Variants in SNW1 observed in about 807,000 individuals in gnomAD.
The protein encoded by SNW1 is SNW domain containing 1, also known as SNW domain-containing protein 1.
Under a neutral mutation model 75.6 loss-of-function variants are expected in SNW1, and 9 were observed. The ratio of observed to expected loss-of-function variants is 0.12; its 90% CI spans 0.07 to 0.21. The LOEUF is 0.21. Among genes scored for constraint, SNW1 ranks in the 10% least tolerant of loss-of-function variants. The pLI is 1.00. For synonymous variants in SNW1, 200 were observed against 219.1 expected, an observed-to-expected ratio of 0.91 and a Z score of 0.77; for missense variants, 409 against 670.9, an observed-to-expected ratio of 0.61 and a Z score of 4.31.
chr14:77,720,363 G>C (rs1450877092), intron 12 of SNW1, among the ~76,000 whole-genome samples: 1 of 152,148 alleles, frequency 6.6e-6, no homozygotes, highest in Non-Finnish European at 1.5e-5. Flanking sequence ...GTGAACTCCT[G>C]ACCTCAGGTG....
At chr14:77,751,746 C>T (rs1326730853) in intron 2 of SNW1, among the ~76,000 whole-genome samples, 1 of 150,754 alleles carries the variant, frequency 6.6e-6, no homozygotes, top group Non-Finnish European at 1.5e-5. Context: ...TGGGGACAGC[C>T]TTTGTGAAGA....
At chr14:77,724,908 T>G (rs111711749) in intron 10 of SNW1, among the ~76,000 whole-genome samples, 2 of 152,350 alleles carry the variant, frequency 1.3e-5, no homozygotes, top group South Asian at 2.1e-4. Flanking sequence ...TATTTTCAGT[T>G]TTTTGAAGAA....
At chr14:77,718,875 T>C (rs1433552494) in intron 12 of SNW1, among the ~76,000 whole-genome samples, 2 of 152,188 alleles carry the variant, frequency 1.3e-5, no homozygotes, top group African/African-American at 4.8e-5. Flanking sequence ...CACACCCAGC[T>C]AATTTTTGTA....
intron 6 of SNW1, 69 bp from the exon 7 acceptor site, chr14:77,736,075 C>T (rs2080668933): frequency 3.5e-6 from 4 of 1,126,796 alleles, no homozygotes; most frequent in Non-Finnish European, 5.2e-6. Context: ...TCAAGTCTCT[C>T]CTCCTTTTTC....
At chr14:77,735,898 T>G (rs2080667218) in intron 7 of SNW1, 39 bp downstream of exon 7, 1 of 1,529,966 alleles carries the variant, frequency 6.5e-7, no homozygotes, top group Admixed American at 1.7e-5. Context: ...TTAATAACCA[T>G]GAGTAGAAAA....
At chr14:77,758,554 C>T (rs2080861020) in intron 1 of SNW1, among the ~76,000 whole-genome samples, 1 of 152,072 alleles carries the variant, frequency 6.6e-6, no homozygotes, top group Non-Finnish European at 1.5e-5. Flanking sequence ...GCCACTTCAC[C>T]CCAAACTCTG....
chr14:77,750,099 G>A (rs1025761049), intron 3 of SNW1, among the ~76,000 whole-genome samples: 1 of 152,194 alleles, frequency 6.6e-6, no homozygotes, highest in African/African-American at 2.4e-5. Context: ...CACTCGAGAG[G>A]CTGAGGTGGG....
chr14:77,722,372 A>C (rs1022547904), intron 11 of SNW1: 3 of 349,994 alleles, frequency 8.6e-6, no homozygotes, highest in African/African-American at 6.4e-5. Context: ...TCTGAACTGT[A>C]AGTTAAACTA....
chr14:77,738,744 G>A (rs768507869), intron 5 of SNW1, 34 bp downstream of exon 5: 3 of 1,518,432 alleles, frequency 2.0e-6, no homozygotes, highest in Admixed American at 1.7e-5. Context: ...ATCAAGTTCA[G>A]AATGAAACTA....
chr14:77,757,915 TA>T (rs1220073842), intron 1 of SNW1, among the ~76,000 whole-genome samples: 11 of 138,854 alleles, frequency 7.9e-5, no homozygotes, highest in Non-Finnish European at 1.6e-4. Context: ...CAAATCAATC[TA>T]ATCATCTATC....
intron 3 of SNW1, among the ~76,000 whole-genome samples, chr14:77,744,446 C>CAAAAAAAA (rs11335115): frequency 1.3e-4 from 11 of 82,920 alleles, no homozygotes; most frequent in Admixed American, 3.0e-4. Context: ...GTCTCCATCT[C>CAAAAAAAA]AAAAAAAAAA....
At chr14:77,719,793 GATA>G (rs1013223558) in intron 12 of SNW1, among the ~76,000 whole-genome samples, 12 of 152,028 alleles carry the variant, frequency 7.9e-5, no homozygotes, top group Admixed American at 1.3e-4. Context: ...TAAGAATTGA[GATA>G]ATAACAAGAC....
rs1484945955 is a variant in SNW1 at position 77,737,049 on chromosome 14, G to A, written c.560C>T (p.Ala187Val). Residue 187 changes from alanine (A) to valine (V), a missense_variant, in exon 6 of 14, where the codon GCA (alanine) becomes GTA (valine). This residue lies in a region of SNW1 where 70 missense variants were observed against 136.7 expected (regional missense o/e 0.51). Coordinates refer to ENST00000261531, the MANE Select transcript of SNW1 (RefSeq NM_012245.3). ...IRYTPSQQGV[A>V]FNSGAKQRVI... ...CCTCTGTTTAGCTCCAGAGTTGAAT[G>A]CCACTCCTTGCTGAGATGGTGTGTA... is the stretch of plus-strand genomic sequence containing the variant. 6.2e-7 allele frequency: 1 copy of A among 1,613,630 alleles called. No homozygotes were observed. Among genetic ancestry groups the A allele is most frequent in the Non-Finnish European group, 8.5e-7 (1 of 1,179,654 alleles).
At position 77,743,495 on chromosome 14, in the gene SNW1, T is replaced by G. The variant is rs568201679; in HGVS notation, c.331-4434A>C. ...TCACTATTAATATTTCAGTGAGAAC[T>G]CCCTCGTTTCTGAAGAATACCAGAC... On this transcript the variant is annotated intron_variant, in intron 3 of 13. Coordinates refer to ENST00000261531, the MANE Select transcript of SNW1 (RefSeq NM_012245.3). 2.6e-5 allele frequency among the ~76,000 whole-genome samples: 4 copies of G among 152,300 alleles called. No homozygotes were observed. The South Asian group carries it at 8.3e-4, about 32-fold the overall frequency.
In SNW1 at chr14:77,746,000, G is replaced by T. The variant is rs544395917; in HGVS notation, c.330+5319C>A. Among the ~76,000 whole-genome samples, 118 of 152,312 alleles carry T rather than the reference G, an allele frequency of 7.7e-4. No homozygotes were observed. The Middle Eastern group carries it at 0.014, about 18-fold the overall frequency. ...TATTGTGCCACTGCACTCCAGCCTGGGTGACAGAGCAAGACTGTCTCGAAA... is the reference window on the plus strand; with the variant it reads ...TATTGTGCCACTGCACTCCAGCCTGTGTGACAGAGCAAGACTGTCTCGAAA... On this transcript the variant is annotated intron_variant, in intron 3 of 13. Transcript: ENST00000261531.
intron 1 of SNW1, among the ~76,000 whole-genome samples, chr14:77,757,609 C>A (rs912712686): frequency 1.9e-4 from 29 of 152,116 alleles, no homozygotes; most frequent in Non-Finnish European, 3.2e-4. Flanking sequence ...TCTATGCTCC[C>A]CCAAAACGCT....
Position 77,718,175 on chromosome 14 carries a change from G to A in SNW1, c.1524C>T (p.Ala508=). Residue 508 remains alanine, a synonymous_variant, in exon 14 of 14, where the codon GCC becomes GCT. Transcript: ENST00000261531. The stretch of plus-strand genomic sequence containing the variant: ...GTCTTTTAGAGCCACCATGCTGTTT[G>A]GCTTCTTCCAAAAACTTGTCCAAAC... ...PFGLDKFLEE[A]KQHGGSKRPS... The A allele has an allele frequency of 1.9e-6, 3 of 1,613,848 alleles. No individual in the cohort carries two copies. The highest frequency in any genetic ancestry group is 2.5e-6 in the Non-Finnish European group (3 of 1,179,926).
At chr14:77,744,947 C>T (rs8003979) in intron 3 of SNW1, among the ~76,000 whole-genome samples, 128,552 of 152,184 alleles carry the variant, frequency 0.84, 54,478 homozygotes, top group African/African-American at 0.89. Context: ...GAGTGGACTA[C>T]ACTTCCTCAC....
In SNW1 at chr14:77,723,218, G is replaced by A. The variant is rs773630201; in HGVS notation, c.1093C>T (p.His365Tyr). 5.6e-6 allele frequency: 9 copies of A among 1,614,070 alleles called. No homozygotes were observed. Among genetic ancestry groups the A allele is most frequent in the Middle Eastern group, 1.6e-4 (1 of 6,062 alleles). ...GCTGCCCTGGAAAGATTCCGGTCATGCTGTCTCTCTTTTCGCCTGTCATGC... is the reference window on the plus strand; with the variant it reads ...GCTGCCCTGGAAAGATTCCGGTCATACTGTCTCTCTTTTCGCCTGTCATGC... ...IRHDRRKERQ[H>Y]DRNLSRAAPD... Residue 365 changes from histidine (H) to tyrosine (Y), a missense_variant, in exon 11 of 14, where the codon CAT (histidine) becomes TAT (tyrosine). His to Tyr is a moderately conservative substitution (Grantham distance 83, BLOSUM62 2). This residue lies in a region of SNW1 where 126 missense variants were observed against 167.6 expected (regional missense o/e 0.75). Coordinates refer to ENST00000261531, the MANE Select transcript of SNW1 (RefSeq NM_012245.3).
Sources: gnomAD v4.1 joint callset for allele counts (sites outside exome capture counted in the v4.1 genomes callset) on GRCh38, gnomAD v4.1.1 for gene constraint, gnomAD v4.1.1 regional missense constraint, MANE v1.5 for transcripts, NCBI Gene and HGNC (gene_info 2026-07-23, HGNC 2026-07-21) for gene names.